Variants in WRN observed in about 807,000 individuals in gnomAD.
The protein encoded by WRN is WRN RecQ like helicase.
In WRN, 149 loss-of-function variants were observed where a neutral mutation model predicts 180.7. That is an observed-to-expected ratio of 0.82 (90% confidence interval 0.72 to 0.94). The LOEUF is 0.94. Ranked by LOEUF, WRN falls within the 40% of genes least tolerant of loss-of-function variation. The pLI is 0.00. For missense variants in WRN, 1,661 were observed against 1,700.1 expected (o/e 0.98, Z 0.40); for synonymous variants, 548 against 568.9 (o/e 0.96, Z 0.52).
chr8:31,061,234 T>G (rs919096366), intron 3 of WRN, among the ~76,000 whole-genome samples: 1 of 152,104 alleles, frequency 6.6e-6, no homozygotes, highest in Non-Finnish European at 1.5e-5. Flanking sequence ...TTCACTTATA[T>G]TTTTTTCTTC....
intron 8 of WRN, among the ~76,000 whole-genome samples, chr8:31,079,650 C>T (rs187253307): frequency 3.9e-5 from 6 of 152,176 alleles, no homozygotes; most frequent in African/African-American, 9.6e-5. Flanking sequence ...AAATTCAGCT[C>T]GTATTTATTT....
Position 31,100,726 on chromosome 8 carries a change from T to A in WRN, c.1982-123T>A. On this transcript the variant is annotated intron_variant, in intron 17 of 34. Transcript: ENST00000298139. ...GGTGTTAATATGATGATATTTATGC[T>A]TCTGTTTTTATAGGAACCAAATACT... is the stretch of plus-strand genomic sequence containing the variant. 4 of 783,220 alleles carry A rather than the reference T, an allele frequency of 5.1e-6. 1 individual carries two copies. In the South Asian group the frequency reaches 6.4e-5, roughly 13 times the overall value. 48.5% of individuals were successfully genotyped at this position (783,220 alleles called of 1,614,324 possible). A position where few individuals can be genotyped will look rare whatever the true frequency, so the allele number is the denominator to read the frequency against.
intron 3 of WRN, among the ~76,000 whole-genome samples, chr8:31,059,784 C>T (rs1431537012): frequency 6.6e-6 from 1 of 152,098 alleles, no homozygotes; most frequent in African/African-American, 2.4e-5. Context: ...AGGCCAGGCG[C>T]GGTGGCTCAG....
At chr8:31,112,321 A>G (rs1251321366) in intron 19 of WRN, among the ~76,000 whole-genome samples, 2 of 152,204 alleles carry the variant, frequency 1.3e-5, no homozygotes, top group African/African-American at 4.8e-5. Context: ...TAGTTTACTA[A>G]TTACATGACT....
Position 31,068,275 on chromosome 8 carries a change from C to T in WRN, c.672C>T (p.Tyr224=), listed in dbSNP as rs2130056427. The change falls in exon 7 of 35, where the codon TAC becomes TAT. Residue 224 remains tyrosine (Y), a synonymous_variant. Transcript: ENST00000298139. ...TTTTATAGGCTGGTTTTATTATTTA[C>T]CGAAATTTAGAGATTTTGGATGATA... The part of the protein sequence containing the change: ...ATDAYAGFII[Y]RNLEILDDTV... 6.2e-7 allele frequency: 1 copy of T among 1,606,810 alleles called. No individual in the cohort carries two copies.
At position 31,124,833 on chromosome 8, in the gene WRN, C is replaced by T. The variant is rs954751121; in HGVS notation, c.2733-75C>T. On this transcript the variant is annotated intron_variant, in intron 22 of 34. Coordinates refer to ENST00000298139, the MANE Select transcript of WRN (RefSeq NM_000553.6). Reference sequence around the variant, plus strand: ...GTGAATCAATTAATGGTGATTTTACCTCATTATTTTCAGGAATGAACTTAA... The same window carrying T: ...GTGAATCAATTAATGGTGATTTTACTTCATTATTTTCAGGAATGAACTTAA... 4 of 1,407,830 alleles carry T rather than the reference C, an allele frequency of 2.8e-6. No individual in the cohort carries two copies. The African/African-American group carries it at 5.7e-5, about 20-fold the overall frequency. The allele number at this position is 1,407,830 out of a possible 1,614,324, so 87.2% of individuals were successfully genotyped here. A position where few individuals can be genotyped will look rare whatever the true frequency, so the allele number is the denominator to read the frequency against.
Position 31,080,864 on chromosome 8 carries a change from T to C in WRN, c.840-3T>C. On this transcript the variant is annotated splice_polypyrimidine_tract_variant and splice_region_variant and intron_variant, in intron 8 of 34. Coordinates refer to ENST00000298139, the MANE Select transcript of WRN (RefSeq NM_000553.6). Reference sequence around the variant, plus strand: ...AATTAATCTTTCTTAATTTTTTTTTTAGGGTTTCTATCTTACTAAAGGATA... The same window carrying C: ...AATTAATCTTTCTTAATTTTTTTTTCAGGGTTTCTATCTTACTAAAGGATA... The C allele has an allele frequency of 5.0e-6, 8 of 1,594,982 alleles. No homozygotes were observed. The highest frequency in any genetic ancestry group is 6.8e-6 in the Non-Finnish European group (8 of 1,172,142).
intron 3 of WRN, 27 bp downstream of exon 3, chr8:31,059,292 A>G: frequency 6.4e-7 from 1 of 1,574,428 alleles, no homozygotes; most frequent in Non-Finnish European, 8.7e-7. Flanking sequence ...TCCTGATTTT[A>G]TTTGAATTTG....
At chr8:31,050,076 A>AT (rs1322994410) in intron 1 of WRN, among the ~76,000 whole-genome samples, 2 of 152,268 alleles carry the variant, frequency 1.3e-5, no homozygotes, top group African/African-American at 4.8e-5. Flanking sequence ...TCAAAGCAGA[A>AT]TTTTCCAAAT....
intron 30 of WRN, among the ~76,000 whole-genome samples, chr8:31,148,786 TA>T (rs1351780404): frequency 6.6e-6 from 1 of 152,224 alleles, no homozygotes; most frequent in Admixed American, 6.5e-5. Flanking sequence ...TGCTATATTT[TA>T]TTTTTTTGTA....
intron 24 of WRN, among the ~76,000 whole-genome samples, chr8:31,140,978 A>G (rs868092277): frequency 1.3e-5 from 2 of 151,982 alleles, no homozygotes; most frequent in African/African-American, 4.8e-5. Flanking sequence ...GATGGTCTCA[A>G]TCTCCTGACC....
chr8:31,066,865 G>A lies in WRN; in HGVS notation c.505-168G>A, dbSNP rs11574204. ...TCTAGAATTAAATTCTTACAATGTG[G>A]ACTGCATATGAGGCTTTTAGTGACA... On this transcript the variant is annotated intron_variant, in intron 5 of 34. Coordinates refer to ENST00000298139, the MANE Select transcript of WRN (RefSeq NM_000553.6). Among the ~76,000 whole-genome samples, 66 of 152,202 alleles carry A rather than the reference G, an allele frequency of 4.3e-4. 1 individual carries two copies. The South Asian group carries it at 0.013, about 31-fold the overall frequency.
At chr8:31,132,573 G>T in intron 24 of WRN, 67 bp downstream of exon 24, 2 of 1,607,084 alleles carry the variant, frequency 1.2e-6, no homozygotes, top group South Asian at 1.1e-5. Context: ...TTCTTCAGAG[G>T]TTTGCAGTAT....
At chr8:31,105,361 C>G (rs1422245860) in intron 18 of WRN, among the ~76,000 whole-genome samples, 1 of 152,138 alleles carries the variant, frequency 6.6e-6, no homozygotes, top group Non-Finnish European at 1.5e-5. Context: ...TTCTCATCTC[C>G]CTGACCTTTT....
intron 31 of WRN, among the ~76,000 whole-genome samples, chr8:31,154,304 A>AT (rs567579079): frequency 3.7e-4 from 56 of 152,078 alleles, no homozygotes; most frequent in African/African-American, 1.3e-3. Flanking sequence ...CTTCCAGGAG[A>AT]TTGGGGACTT....
intron 11 of WRN, among the ~76,000 whole-genome samples, chr8:31,085,894 A>G (rs2130143724): frequency 6.6e-6 from 1 of 152,108 alleles, no homozygotes; most frequent in Non-Finnish European, 1.5e-5. Context: ...TTTATTTGGA[A>G]GTTTTGTTTT....
At chr8:31,095,985 C>T (rs952294890) in intron 16 of WRN, among the ~76,000 whole-genome samples, 4 of 152,160 alleles carry the variant, frequency 2.6e-5, no homozygotes, top group African/African-American at 4.8e-5. Context: ...TTATTGTCAC[C>T]GTTTTATACC....
chr8:31,078,014 A>G (rs755799454), intron 8 of WRN, among the ~76,000 whole-genome samples: 4 of 152,194 alleles, frequency 2.6e-5, no homozygotes, highest in Admixed American at 6.5e-5. Context: ...TTCAGTATCT[A>G]TTAGATAAAA....
intron 16 of WRN, among the ~76,000 whole-genome samples, chr8:31,092,304 G>A (rs1813777666): frequency 1.3e-5 from 2 of 151,940 alleles, no homozygotes; most frequent in South Asian, 4.2e-4. Context: ...GAGGCTCAGA[G>A]ACAAGTAATT....
Sources: allele counts gnomAD v4.1 joint callset (sites outside exome capture counted in the v4.1 genomes callset), GRCh38; gene constraint gnomAD v4.1.1; transcripts MANE v1.5; gene names NCBI Gene and HGNC (gene_info 2026-07-23, HGNC 2026-07-21).